The following DHX32 variants were observed in gnomAD, a reference collection of about 807,000 sequenced individuals.
DHX32 encodes the protein putative pre-mRNA-splicing factor ATP-dependent RNA helicase DHX32.
Under a neutral mutation model 70.0 loss-of-function variants are expected in DHX32, and 51 were observed. The ratio of observed to expected loss-of-function variants is 0.73; its 90% confidence interval spans 0.58 to 0.92. The LOEUF (loss-of-function observed/expected upper bound fraction) is 0.92, where lower values mean the gene tolerates loss of function less well. DHX32 is among the 40% of genes least tolerant of loss of function. The pLI, the probability that DHX32 is intolerant of heterozygous loss-of-function variation, is 0.00. For synonymous variants in DHX32, 310 were observed against 315.3 expected, an observed-to-expected ratio of 0.98 and a Z score of 0.18; for missense variants, 762 against 891.8, an observed-to-expected ratio of 0.85 and a Z score of 1.85.
intron 1 of DHX32, among the ~76,000 whole-genome samples, chr10:125,879,932 C>G (rs1944307390): frequency 6.6e-6 from 1 of 152,230 alleles, no homozygotes; most frequent in South Asian, 2.1e-4. Context: ...ATGTGAGCCA[C>G]TGTGCCTGCT....
At position 125,880,838 on chromosome 10, in the gene DHX32, G is replaced by C; in HGVS notation, c.-14C>G. 5 of 1,602,732 alleles carry C rather than the reference G, an allele frequency of 3.1e-6. No individual in the cohort carries two copies. Among genetic ancestry groups the C allele is most frequent in the Non-Finnish European group, 4.3e-6 (5 of 1,175,334 alleles). On this transcript the variant is annotated 5_prime_UTR_variant, in exon 1 of 11. Transcript: ENST00000284690. ...TTCTTCTTCCATCTTGTCTGACAGT[G>C]AGCTCACGCAGCTGACATTCCACAA...
chr10:125,872,295 A>C (rs1302565182), intron 1 of DHX32, among the ~76,000 whole-genome samples: 1 of 152,184 alleles, frequency 6.6e-6, no homozygotes, highest in African/African-American at 2.4e-5. Flanking sequence ...ATTCCCCCCT[A>C]GTATTAAAAA....
upstream of DHX32, among the ~76,000 whole-genome samples, chr10:125,885,825 C>T (rs143099480): frequency 6.6e-6 from 1 of 152,282 alleles, no homozygotes; most frequent in Non-Finnish European, 1.5e-5. Context: ...GAGCCACTAC[C>T]CCTCTCACCT....
chr10:125,882,891 T>C (rs1944326230), upstream of DHX32, among the ~76,000 whole-genome samples: 1 of 152,200 alleles, frequency 6.6e-6, no homozygotes. Context: ...TATTCTATTT[T>C]TCTTTTGTTC....
At chr10:125,870,779 G>C (rs559609533) in intron 1 of DHX32, among the ~76,000 whole-genome samples, 1 of 152,222 alleles carries the variant, frequency 6.6e-6, no homozygotes, top group African/African-American at 2.4e-5. Context: ...GCAGGTTGCA[G>C]TGAGCTGAGA....
chr10:125,846,882 G>C (rs1007089783), intron 6 of DHX32, among the ~76,000 whole-genome samples: 4 of 152,194 alleles, frequency 2.6e-5, no homozygotes, highest in Non-Finnish European at 4.4e-5. Flanking sequence ...GCAGAGAGCA[G>C]CTAAGACTCT....
At chr10:125,862,433 CA>C (rs1944195902) in intron 2 of DHX32, among the ~76,000 whole-genome samples, 1 of 149,850 alleles carries the variant, frequency 6.7e-6, no homozygotes, top group African/African-American at 2.5e-5. Context: ...ATCTAGTTTT[CA>C]ATTTTTTTTT....
At chr10:125,838,141 G>C in intron 10 of DHX32, 65 bp downstream of exon 10, 1 of 1,448,560 alleles carries the variant, frequency 6.9e-7, no homozygotes, top group Non-Finnish European at 9.2e-7. Context: ...AGCCAAATTT[G>C]TCATTTACTC....
chr10:125,886,680 C>T (rs1944342634), intron 1 of DHX32, among the ~76,000 whole-genome samples: 2 of 152,312 alleles, frequency 1.3e-5, no homozygotes, highest in Admixed American at 6.5e-5. Context: ...GGCTCCTGGT[C>T]GTCCCTTGAA....
chr10:125,853,661 AG>A (rs1944120025), intron 4 of DHX32: 1 of 289,524 alleles, frequency 3.5e-6, no homozygotes, highest in Non-Finnish European at 6.4e-6. Context: ...CCTTAGCTAA[AG>A]AAAAAATACT....
At chr10:125,844,947 A>C (rs549377134) in intron 6 of DHX32, among the ~76,000 whole-genome samples, 1 of 152,346 alleles carries the variant, frequency 6.6e-6, no homozygotes, top group African/African-American at 2.4e-5. Context: ...CTATCATTAC[A>C]GTATTTCTTC....
chr10:125,850,092 A>G (rs1008567331), intron 6 of DHX32, among the ~76,000 whole-genome samples: 7 of 151,526 alleles, frequency 4.6e-5, no homozygotes, highest in African/African-American at 1.5e-4. Context: ...CAGCTTCCCA[A>G]ACAGCTAGTA....
chr10:125,838,442 T>G (rs1854771157), intron 9 of DHX32, 55 bp from the exon 10 acceptor site: 1 of 1,434,996 alleles, frequency 7.0e-7, no homozygotes. Context: ...GAGATCATTA[T>G]ACAAAGATGT....
intron 3 of DHX32, among the ~76,000 whole-genome samples, chr10:125,855,448 G>GTTT (rs777479193): frequency 1.4e-4 from 17 of 121,448 alleles, no homozygotes; most frequent in Non-Finnish European, 2.1e-4. Flanking sequence ...AAGATAAACT[G>GTTT]TTTTTTTTTT....
At chr10:125,855,573 C>T (rs1454769293) in intron 3 of DHX32, among the ~76,000 whole-genome samples, 10 of 151,706 alleles carry the variant, frequency 6.6e-5, no homozygotes, top group Middle Eastern at 3.4e-3. Flanking sequence ...CTCAGCCTCC[C>T]GAGTAGCTGG....
rs79633828 is a variant in DHX32 at position 125,844,998 on chromosome 10, A to G, written c.1352-3064T>C. ...TGTTTTCTGTGGAACCCCAAATGCC[A>G]AGCTCCAATATGTGCCTGCATTTTC... is the stretch of plus-strand genomic sequence containing the variant. On this transcript the variant is annotated intron_variant, in intron 6 of 10. Coordinates refer to ENST00000284690, the MANE Select transcript of DHX32 (RefSeq NM_018180.3). Among the ~76,000 whole-genome samples the G allele has an allele frequency of 2.9e-3, 446 of 152,298 alleles. 1 individual carries two copies. Among genetic ancestry groups the G allele is most frequent in the African/African-American group, 0.01 (430 of 41,552 alleles).
intron 7 of DHX32, chr10:125,841,400 A>G (rs1401507496): frequency 1.1e-5 from 17 of 1,607,624 alleles, no homozygotes; most frequent in Admixed American, 1.7e-5. Flanking sequence ...CCAATAGGAA[A>G]TAAAAAACAG....
At chr10:125,873,284 T>C (rs1944266259) in intron 1 of DHX32, among the ~76,000 whole-genome samples, 1 of 152,220 alleles carries the variant, frequency 6.6e-6, no homozygotes, top group Admixed American at 6.5e-5. Context: ...TAGTTAACTA[T>C]AATTTAATAT....
intron 4 of DHX32, 84 bp downstream of exon 4, chr10:125,853,877 C>T: frequency 6.6e-7 from 1 of 1,509,826 alleles, no homozygotes; most frequent in Non-Finnish European, 8.9e-7. Flanking sequence ...ATCCTCACTT[C>T]CTGATCAGTA....
Sources: allele counts gnomAD v4.1 joint callset (sites outside exome capture counted in the v4.1 genomes callset), GRCh38; gene constraint gnomAD v4.1.1; transcripts MANE v1.5; gene names NCBI Gene and HGNC (gene_info 2026-07-23, HGNC 2026-07-21).